USO1: variants seen among roughly 807,000 people sequenced by gnomAD.
USO1 encodes USO1 vesicle transport factor.
USO1 carries 57 observed loss-of-function variants against 124.5 expected under a neutral mutation model. The ratio of observed to expected loss-of-function variants is 0.46; its 90% CI spans 0.37 to 0.57. The LOEUF is 0.57. USO1 is among the 20% of genes least tolerant of loss of function. The pLI, the probability that USO1 is intolerant of heterozygous loss-of-function variation, is 0.00. For synonymous variants in USO1, 369 were observed against 362.8 expected (o/e 1.02, Z -0.19); for missense variants, 900 against 1,040.6 (o/e 0.86, Z 1.86).
intron 7 of USO1, among the ~76,000 whole-genome samples, chr4:75,773,237 T>G (rs1453955652): frequency 6.6e-6 from 1 of 152,216 alleles, no homozygotes; most frequent in Non-Finnish European, 1.5e-5. Context: ...ATATTGGTTT[T>G]TATTAATTTT....
chr4:75,769,798 T>C (rs991513635), intron 4 of USO1, among the ~76,000 whole-genome samples: 1 of 151,482 alleles, frequency 6.6e-6, no homozygotes, highest in Non-Finnish European at 1.5e-5. Context: ...TTAAAAGACA[T>C]TTAAACATTA....
At chr4:75,759,543 G>A (rs1224240532) in intron 4 of USO1, among the ~76,000 whole-genome samples, 3 of 150,786 alleles carry the variant, frequency 2.0e-5, no homozygotes, top group South Asian at 2.1e-4. Context: ...GGAGTGAGCC[G>A]AGATTGTGCC....
chr4:75,744,331 C>A (rs775073861), intron 1 of USO1, among the ~76,000 whole-genome samples: 1 of 152,168 alleles, frequency 6.6e-6, no homozygotes, highest in African/African-American at 2.4e-5. Flanking sequence ...CTTTCCTAAA[C>A]CCCAGAGTAT....
At chr4:75,774,313 G>T (rs1722012869) in intron 7 of USO1, among the ~76,000 whole-genome samples, 1 of 152,172 alleles carries the variant, frequency 6.6e-6, no homozygotes, top group Non-Finnish European at 1.5e-5. Flanking sequence ...TTACTGTTGT[G>T]AAGCAGGTAC....
intron 8 of USO1, among the ~76,000 whole-genome samples, chr4:75,777,967 G>C (rs901393401): frequency 6.6e-6 from 1 of 152,092 alleles, no homozygotes; most frequent in Non-Finnish European, 1.5e-5. Context: ...TAGATAAACT[G>C]TACTACATCT....
At chr4:75,730,133 G>A (rs1239657254) in intron 1 of USO1, among the ~76,000 whole-genome samples, 2 of 152,150 alleles carry the variant, frequency 1.3e-5, no homozygotes, top group East Asian at 3.8e-4. Context: ...CTATATCGAA[G>A]CACTCTTTTT....
At chr4:75,744,899 G>T in intron 1 of USO1, 1 of 509,378 alleles carries the variant, frequency 2.0e-6, no homozygotes, top group Non-Finnish European at 3.9e-6. Flanking sequence ...GATGGTACAT[G>T]TGCATATATT....
chr4:75,757,388 G>A (rs1721477915), intron 3 of USO1, 109 bp from the exon 4 acceptor site: 2 of 1,003,766 alleles, frequency 2.0e-6, no homozygotes, highest in South Asian at 2.1e-5. Flanking sequence ...TTTTCTTAGA[G>A]TATGCCTTTA....
intron 3 of USO1, among the ~76,000 whole-genome samples, chr4:75,756,213 A>G (rs915918310): frequency 6.6e-6 from 1 of 151,644 alleles, no homozygotes; most frequent in Non-Finnish European, 1.5e-5. Context: ...CAGAAGAGGA[A>G]GTCAGAGTGT....
At chr4:75,806,192 G>A (rs10033315) in intron 19 of USO1, among the ~76,000 whole-genome samples, 80,046 of 151,898 alleles carry the variant, frequency 0.53, 23,090 homozygotes, top group East Asian at 0.81. Flanking sequence ...GGGTTTCACC[G>A]TGTTGCCCAA....
At chr4:75,783,687 G>C (rs1430379481) in intron 9 of USO1, among the ~76,000 whole-genome samples, 1 of 152,140 alleles carries the variant, frequency 6.6e-6, no homozygotes, top group African/African-American at 2.4e-5. Context: ...TGCCATGGGA[G>C]TTGCCTGCAT....
At chr4:75,758,889 T>G (rs1321510056) in intron 4 of USO1, among the ~76,000 whole-genome samples, 5 of 152,324 alleles carry the variant, frequency 3.3e-5, no homozygotes, top group Middle Eastern at 6.8e-3. Context: ...GAATATACTT[T>G]GAAGAAAAAG....
chr4:75,787,455 T>G (rs906189647), intron 10 of USO1, among the ~76,000 whole-genome samples: 3 of 152,198 alleles, frequency 2.0e-5, no homozygotes, highest in African/African-American at 7.2e-5. Flanking sequence ...AGATTTCTCA[T>G]TAATTTTGTT....
At chr4:75,735,056 C>G (rs1461854754) in intron 1 of USO1, among the ~76,000 whole-genome samples, 2 of 152,178 alleles carry the variant, frequency 1.3e-5, no homozygotes, top group African/African-American at 4.8e-5. Flanking sequence ...ATTCTTTGAT[C>G]CATGAGCATG....
intron 4 of USO1, among the ~76,000 whole-genome samples, chr4:75,769,756 T>TTTTC (rs1721869057): frequency 6.6e-6 from 1 of 151,272 alleles, no homozygotes. Context: ...TTTTTTTTTT[T>TTTTC]ACATAGTACA....
At chr4:75,788,171 AT>A (rs11291010) in intron 10 of USO1, among the ~76,000 whole-genome samples, 55,130 of 122,292 alleles carry the variant, frequency 0.45, 11,556 homozygotes, top group East Asian at 0.72. Context: ...TTATTTATTT[AT>A]TTTTTTTTTT....
At chr4:75,797,027 T>C (rs543234113) in intron 13 of USO1, among the ~76,000 whole-genome samples, 1 of 152,078 alleles carries the variant, frequency 6.6e-6, no homozygotes, top group South Asian at 2.1e-4. Flanking sequence ...AGGAATTTAC[T>C]AGGCCAGGCA....
At chr4:75,812,118 GT>G in intron 22 of USO1, 41 bp from the exon 23 acceptor site, 1 of 1,556,320 alleles carries the variant, frequency 6.4e-7, no homozygotes. Flanking sequence ...AGGAAAGTGA[GT>G]GCTAATTTTA....
At chr4:75,752,719 G>T (rs1390127959) in intron 3 of USO1, 115 bp downstream of exon 3, 4 of 388,494 alleles carry the variant, frequency 1.0e-5, no homozygotes, top group Non-Finnish European at 1.8e-5. Flanking sequence ...TAGAGATGGG[G>T]TTTGCCATGT....
Sources: gnomAD v4.1 joint callset for allele counts (sites outside exome capture counted in the v4.1 genomes callset) on GRCh38, gnomAD v4.1.1 for gene constraint, MANE v1.5 for transcripts, NCBI Gene and HGNC (gene_info 2026-07-23, HGNC 2026-07-21) for gene names.